The following ATRNL1 variants were observed in gnomAD, a reference collection of about 807,000 sequenced individuals.
ATRNL1 encodes attractin-like protein 1.
Under a neutral mutation model 182.7 loss-of-function variants are expected in ATRNL1, and 95 were observed. The observed-to-expected ratio is 0.52, with a 90% CI of 0.44 to 0.62. ATRNL1 has a LOEUF of 0.62. Ranked by LOEUF, ATRNL1 falls within the 20% of genes least tolerant of loss-of-function variation. The pLI is 0.00. For synonymous variants in ATRNL1, 576 were observed against 568.3 expected (o/e 1.01, Z -0.19); for missense variants, 1,471 against 1,679.5 (o/e 0.88, Z 2.17).
At chr10:115,808,896 TG>T (rs1221572358) in intron 27 of ATRNL1, among the ~76,000 whole-genome samples, 2 of 152,176 alleles carry the variant, frequency 1.3e-5, no homozygotes, top group African/African-American at 4.8e-5. Flanking sequence ...GATGTCAAAC[TG>T]AATAATTTTT....
intron 5 of ATRNL1, among the ~76,000 whole-genome samples, chr10:115,154,385 T>C (rs1554881537): frequency 6.6e-6 from 1 of 152,174 alleles, no homozygotes; most frequent in East Asian, 1.9e-4. Context: ...TTTATGAATC[T>C]GGGTGTTCCT....
chr10:115,436,918 T>A (rs1358625369), intron 21 of ATRNL1, among the ~76,000 whole-genome samples: 4 of 152,034 alleles, frequency 2.6e-5, no homozygotes, highest in Non-Finnish European at 5.9e-5. Context: ...TTTTCATAGG[T>A]GTGATTTTCG....
chr10:115,531,198 G>A (rs1425938876), intron 25 of ATRNL1, among the ~76,000 whole-genome samples: 41 of 151,928 alleles, frequency 2.7e-4, no homozygotes, highest in East Asian at 1.4e-3. Flanking sequence ...CTGAGTAATC[G>A]CCACACTGAC....
chr10:115,475,334 G>T (rs1210569630), intron 24 of ATRNL1, among the ~76,000 whole-genome samples: 2 of 151,406 alleles, frequency 1.3e-5, no homozygotes, highest in Non-Finnish European at 3.0e-5. Flanking sequence ...ATTATGTAAT[G>T]TATTTTGATA....
chr10:115,888,238 T>G (rs1014667724), intron 28 of ATRNL1, among the ~76,000 whole-genome samples: 2 of 152,370 alleles, frequency 1.3e-5, no homozygotes, highest in East Asian at 3.9e-4. Context: ...AAACCTTCCC[T>G]GACCTCCCTA....
chr10:115,371,882 C>T (rs1483992387), intron 19 of ATRNL1, among the ~76,000 whole-genome samples: 1 of 152,086 alleles, frequency 6.6e-6, no homozygotes, highest in Admixed American at 6.6e-5. Context: ...CCCCGTAATT[C>T]CCATGTGTTG....
chr10:115,554,900 CAGTT>C (rs1443769539), intron 26 of ATRNL1, among the ~76,000 whole-genome samples: 2 of 151,620 alleles, frequency 1.3e-5, no homozygotes, highest in Admixed American at 1.3e-4. Flanking sequence ...TATTTAGACC[CAGTT>C]ACTTAGACTA....
chr10:115,457,846 C>T (rs187657155), intron 21 of ATRNL1, among the ~76,000 whole-genome samples: 46 of 152,188 alleles, frequency 3.0e-4, no homozygotes, highest in African/African-American at 1.1e-3. Flanking sequence ...CCTCTCCTCT[C>T]TTTGCAATTT....
At chr10:115,636,688 G>A (rs553284763) in intron 26 of ATRNL1, among the ~76,000 whole-genome samples, 1 of 146,802 alleles carries the variant, frequency 6.8e-6, no homozygotes, top group Admixed American at 7.3e-5. Context: ...TTACCATATG[G>A]CCCAGAAATT....
At chr10:115,570,530 G>T (rs1429879037) in intron 26 of ATRNL1, among the ~76,000 whole-genome samples, 1 of 152,120 alleles carries the variant, frequency 6.6e-6, no homozygotes, top group Non-Finnish European at 1.5e-5. Flanking sequence ...GTTTACAAAG[G>T]AGTTTACCCA....
chr10:115,223,235 C>T (rs537011640), intron 9 of ATRNL1, among the ~76,000 whole-genome samples: 2 of 152,206 alleles, frequency 1.3e-5, no homozygotes, highest in African/African-American at 2.4e-5. Flanking sequence ...GAGCTGAGAT[C>T]GCATCGCTGG....
intron 26 of ATRNL1, among the ~76,000 whole-genome samples, chr10:115,588,301 GC>G (rs1426310307): frequency 1.4e-4 from 22 of 152,258 alleles, no homozygotes; most frequent in Admixed American, 1.2e-3. Flanking sequence ...CTTTTGCTGT[GC>G]AGCTTCTGAT....
intron 27 of ATRNL1, among the ~76,000 whole-genome samples, chr10:115,742,397 C>T (rs1407528229): frequency 1.3e-5 from 2 of 151,938 alleles, no homozygotes; most frequent in Admixed American, 1.3e-4. Context: ...ACATTTTGAG[C>T]CTTTCTATTT....
At chr10:115,182,573 G>A (rs1847789694) in intron 8 of ATRNL1, among the ~76,000 whole-genome samples, 1 of 151,412 alleles carries the variant, frequency 6.6e-6, no homozygotes, top group South Asian at 2.1e-4. Context: ...TCAACTTGCT[G>A]CATAAAACAA....
intron 26 of ATRNL1, among the ~76,000 whole-genome samples, chr10:115,596,598 G>A (rs1856256510): frequency 6.6e-6 from 1 of 152,144 alleles, no homozygotes; most frequent in Non-Finnish European, 1.5e-5. Flanking sequence ...TTACAGTAGG[G>A]AAAATGGGCA....
chr10:115,550,866 T>C (rs1374954848), intron 26 of ATRNL1, among the ~76,000 whole-genome samples: 2 of 151,750 alleles, frequency 1.3e-5, no homozygotes, highest in Non-Finnish European at 3.0e-5. Flanking sequence ...TCCTTAATCA[T>C]TAGAAGAGAA....
intron 26 of ATRNL1, among the ~76,000 whole-genome samples, chr10:115,609,007 A>G (rs1857011370): frequency 6.6e-6 from 1 of 151,946 alleles, no homozygotes; most frequent in Non-Finnish European, 1.5e-5. Flanking sequence ...TAAATAATAT[A>G]CTTGTATTAT....
chr10:115,826,573 C>T (rs1040245927), intron 27 of ATRNL1, among the ~76,000 whole-genome samples: 4 of 152,084 alleles, frequency 2.6e-5, no homozygotes, highest in Middle Eastern at 3.2e-3. Flanking sequence ...CTTTTTGCTC[C>T]CACAGTTCAG....
chr10:115,706,276 T>G (rs1411028737), intron 26 of ATRNL1, among the ~76,000 whole-genome samples: 1 of 151,884 alleles, frequency 6.6e-6, no homozygotes, highest in East Asian at 1.9e-4. Context: ...CTTACTTTAG[T>G]GGTCACATTA....
Sources: gnomAD v4.1 joint callset for allele counts (sites outside exome capture counted in the v4.1 genomes callset) on GRCh38, gnomAD v4.1.1 for gene constraint, MANE v1.5 for transcripts, NCBI Gene and HGNC (gene_info 2026-07-23, HGNC 2026-07-21) for gene names.